The following GRID2 variants were observed in gnomAD, a reference collection of about 807,000 sequenced individuals.
The protein encoded by GRID2 is glutamate ionotropic receptor delta type subunit 2.
A neutral mutation model predicts 114.8 loss-of-function variants in GRID2; 33 were observed. The observed-to-expected ratio is 0.29, with a 90% CI of 0.22 to 0.38. The LOEUF (loss-of-function observed/expected upper bound fraction) is 0.38, where lower values mean the gene tolerates loss of function less well. Among genes scored for constraint, GRID2 ranks in the 10% least tolerant of loss-of-function variants. The pLI is 1.00. For missense variants in GRID2, 1,184 were observed against 1,257.7 expected (o/e 0.94, Z 0.89); for synonymous variants, 505 against 449.9 (o/e 1.12, Z -1.55).
intron 13 of GRID2, among the ~76,000 whole-genome samples, chr4:93,556,962 C>T (rs1244379976): frequency 6.6e-6 from 1 of 152,190 alleles, no homozygotes; most frequent in Admixed American, 6.5e-5. Context: ...AAAAGAATTT[C>T]AACCCAGAAC....
chr4:93,592,181 C>G (rs1738424797), intron 13 of GRID2, among the ~76,000 whole-genome samples: 1 of 151,942 alleles, frequency 6.6e-6, no homozygotes, highest in Non-Finnish European at 1.5e-5. Flanking sequence ...CCGGCTTTCT[C>G]TTGTGGGCAT....
At chr4:92,643,993 C>T (rs957673762) in intron 2 of GRID2, among the ~76,000 whole-genome samples, 3 of 151,486 alleles carry the variant, frequency 2.0e-5, no homozygotes, top group African/African-American at 7.3e-5. Context: ...CTTATGAATG[C>T]TTTATTAAGA....
intron 1 of GRID2, among the ~76,000 whole-genome samples, chr4:92,328,228 T>C (rs1281487006): frequency 3.3e-5 from 5 of 152,024 alleles, no homozygotes; most frequent in African/African-American, 9.7e-5. Context: ...TCTTATGCCA[T>C]GTTAAATGTT....
At chr4:93,334,495 A>C (rs998637335) in intron 8 of GRID2, among the ~76,000 whole-genome samples, 1 of 152,212 alleles carries the variant, frequency 6.6e-6, no homozygotes, top group Non-Finnish European at 1.5e-5. Flanking sequence ...TGAAATTATG[A>C]TGTGTTATTA....
Position 92,376,092 on chromosome 4 carries a change from G to A in GRID2, c.88+71348G>A, listed in dbSNP as rs961826703. On this transcript the variant is annotated intron_variant, in intron 1 of 15. Coordinates refer to ENST00000282020, the MANE Select transcript of GRID2 (RefSeq NM_001510.4). ...CTTCATGAAAATACTAGGGCAAAAT[G>A]GGGAAAAAATTATATATATATAAAT... Among the ~76,000 whole-genome samples the A allele has an allele frequency of 5.3e-5, 8 of 151,938 alleles. No homozygotes were observed. The East Asian group carries it at 1.6e-3, about 29-fold the overall frequency.
At chr4:93,150,729 G>A (rs1736657360) in intron 4 of GRID2, among the ~76,000 whole-genome samples, 1 of 152,150 alleles carries the variant, frequency 6.6e-6, no homozygotes, top group South Asian at 2.1e-4. Context: ...CCTGCAAGTG[G>A]TAGCCTCTTT....
chr4:92,811,297 C>T (rs771299804), intron 2 of GRID2, among the ~76,000 whole-genome samples: 4 of 151,846 alleles, frequency 2.6e-5, no homozygotes, highest in Non-Finnish European at 5.9e-5. Context: ...ACTCTGACTC[C>T]AGTGTATATG....
At chr4:93,103,911 C>CT (rs1731943346) in intron 3 of GRID2, among the ~76,000 whole-genome samples, 1 of 146,480 alleles carries the variant, frequency 6.8e-6, no homozygotes, top group Non-Finnish European at 1.5e-5. Context: ...CAAAAATCTT[C>CT]ATTTTTTTTT....
In GRID2 at chr4:92,330,758, G is replaced by A. The variant is rs537366396; in HGVS notation, c.88+26014G>A. On this transcript the variant is annotated intron_variant, in intron 1 of 15. Transcript: ENST00000282020. ...TATAAAATATATATATAATCATATA[G>A]CCTGTGAATTACAGTGGAAATTCTA... Among the ~76,000 whole-genome samples the A allele has an allele frequency of 2.2e-4, 34 of 151,710 alleles. 1 individual carries two copies. In the East Asian group the frequency reaches 6.4e-3, roughly 28 times the overall value.
chr4:93,387,421 A>G (rs1764426953), intron 8 of GRID2, among the ~76,000 whole-genome samples: 1 of 152,164 alleles, frequency 6.6e-6, no homozygotes, highest in Non-Finnish European at 1.5e-5. Flanking sequence ...GCTCTCAGGA[A>G]GAAAGACAGT....
chr4:92,827,283 A>G (rs1422595374), intron 2 of GRID2, among the ~76,000 whole-genome samples: 1 of 151,918 alleles, frequency 6.6e-6, no homozygotes, highest in Non-Finnish European at 1.5e-5. Context: ...AAAAGCATAT[A>G]TATTGGAAAT....
intron 2 of GRID2, among the ~76,000 whole-genome samples, chr4:92,879,016 A>G (rs1165464256): frequency 1.3e-5 from 2 of 152,182 alleles, no homozygotes; most frequent in African/African-American, 2.4e-5. Flanking sequence ...CTTGATTAGC[A>G]TAATTATCTG....
chr4:93,450,189 T>C (rs992781814), intron 10 of GRID2, among the ~76,000 whole-genome samples: 12 of 151,876 alleles, frequency 7.9e-5, no homozygotes, highest in Non-Finnish European at 1.5e-4. Flanking sequence ...CAGAAAATCA[T>C]ATCTTTGGAA....
At chr4:93,232,655 T>TG (rs1170214290) in intron 7 of GRID2, among the ~76,000 whole-genome samples, 2 of 151,452 alleles carry the variant, frequency 1.3e-5, no homozygotes, top group African/African-American at 2.4e-5. Context: ...ATATGGAATG[T>TG]GGGAAAATAG....
At chr4:93,311,649 A>C (rs1433644) in intron 8 of GRID2, among the ~76,000 whole-genome samples, 86,576 of 151,640 alleles carry the variant, frequency 0.57, 27,403 homozygotes, top group Middle Eastern at 0.74. Flanking sequence ...GAGAAACCTC[A>C]ACATTTAACA....
At chr4:93,130,894 C>T (rs1403886045) in intron 4 of GRID2, among the ~76,000 whole-genome samples, 4 of 152,182 alleles carry the variant, frequency 2.6e-5, no homozygotes, top group East Asian at 1.9e-4. Context: ...GAGAACTAAA[C>T]GATATATTCC....
intron 2 of GRID2, among the ~76,000 whole-genome samples, chr4:92,972,105 TCTC>T (rs1236283761): frequency 2.0e-5 from 3 of 152,126 alleles, no homozygotes; most frequent in African/African-American, 7.2e-5. Context: ...AGTTTTTTTT[TCTC>T]AGAAACTTCC....
At chr4:93,245,407 G>A (rs1748090185) in intron 8 of GRID2, among the ~76,000 whole-genome samples, 1 of 152,098 alleles carries the variant, frequency 6.6e-6, no homozygotes, top group Admixed American at 6.6e-5. Flanking sequence ...TCAGAGTTGG[G>A]CACTTGATCA....
chr4:92,855,793 C>A (rs1174051322), intron 2 of GRID2, among the ~76,000 whole-genome samples: 1 of 151,750 alleles, frequency 6.6e-6, no homozygotes, highest in Non-Finnish European at 1.5e-5. Context: ...AATTTCCTGA[C>A]TAGAAATAAA....
Sources: gnomAD v4.1 joint callset for allele counts (sites outside exome capture counted in the v4.1 genomes callset) on GRCh38, gnomAD v4.1.1 for gene constraint, MANE v1.5 for transcripts, NCBI Gene and HGNC (gene_info 2026-07-23, HGNC 2026-07-21) for gene names.